CRACR2A: variants seen among roughly 807,000 people sequenced by gnomAD.
The protein encoded by CRACR2A is EF-hand calcium-binding domain-containing protein 4B.
In CRACR2A, 79 loss-of-function variants were observed where a neutral mutation model predicts 90.5. The ratio of observed to expected loss-of-function variants is 0.87; its 90% CI spans 0.73 to 1.05. The LOEUF (loss-of-function observed/expected upper bound fraction) is 1.05, where lower values mean the gene tolerates loss of function less well. Among genes scored for constraint, CRACR2A ranks in the 50% least tolerant of loss-of-function variants. The pLI, the probability that CRACR2A is intolerant of heterozygous loss-of-function variation, is 0.00. For synonymous variants in CRACR2A, 338 were observed against 356.7 expected, an observed-to-expected ratio of 0.95 and a Z score of 0.59; for missense variants, 823 against 897.2, an observed-to-expected ratio of 0.92 and a Z score of 1.06.
intron 12 of CRACR2A, among the ~76,000 whole-genome samples, chr12:3,642,521 A>C (rs2137385295): frequency 6.6e-6 from 1 of 152,302 alleles, no homozygotes; most frequent in Admixed American, 6.5e-5. Flanking sequence ...GGTCAGATAG[A>C]AAAAAGAAAA....
chr12:3,618,335 C>T (rs542058747), intron 18 of CRACR2A, among the ~76,000 whole-genome samples: 5 of 152,144 alleles, frequency 3.3e-5, no homozygotes, highest in African/African-American at 4.8e-5. Flanking sequence ...AAATATATTA[C>T]TATTTCTTCA....
chr12:3,720,460 A>AAGC (rs1565501233), intron 2 of CRACR2A, among the ~76,000 whole-genome samples: 3 of 147,638 alleles, frequency 2.0e-5, no homozygotes, highest in African/African-American at 8.0e-5. Flanking sequence ...AGAAAGAAAG[A>AAGC]AAGAAAGCAA....
chr12:3,750,822 T>C (rs964318355), intron 1 of CRACR2A, among the ~76,000 whole-genome samples: 1 of 152,158 alleles, frequency 6.6e-6, no homozygotes, highest in Admixed American at 6.5e-5. Flanking sequence ...CAGCAAACCA[T>C]TGCAACAAGG....
chr12:3,686,893 G>C (rs1388422596), intron 4 of CRACR2A, among the ~76,000 whole-genome samples: 2 of 152,132 alleles, frequency 1.3e-5, no homozygotes, highest in African/African-American at 2.4e-5. Context: ...CATTTCACAT[G>C]CCCGAGCAGA....
chr12:3,739,879 A>G (rs1357130818), intron 1 of CRACR2A, among the ~76,000 whole-genome samples: 6 of 151,500 alleles, frequency 4.0e-5, no homozygotes. Context: ...GGTTGCAGTG[A>G]GCCGAGATCA....
intron 11 of CRACR2A, among the ~76,000 whole-genome samples, chr12:3,646,240 G>A (rs1008806198): frequency 6.6e-5 from 10 of 152,220 alleles, no homozygotes; most frequent in African/African-American, 1.9e-4. Context: ...AATTTCATCC[G>A]TTAACACAAG....
intron 17 of CRACR2A, among the ~76,000 whole-genome samples, chr12:3,622,035 C>A (rs925525712): frequency 9.2e-5 from 14 of 152,178 alleles, no homozygotes; most frequent in Non-Finnish European, 4.4e-5. Flanking sequence ...TCCTCTCTGA[C>A]TTTGACCCCA....
At chr12:3,731,552 C>G (rs1387849835) in intron 2 of CRACR2A, 1 of 152,280 alleles carries the variant, frequency 6.6e-6, no homozygotes, top group Non-Finnish European at 1.5e-5. Context: ...CATGGAACAC[C>G]ATTCATATTC....
intron 3 of CRACR2A, among the ~76,000 whole-genome samples, chr12:3,700,780 T>C (rs1485627942): frequency 6.6e-6 from 1 of 152,232 alleles, no homozygotes; most frequent in Non-Finnish European, 1.5e-5. Context: ...TTTCAATAAC[T>C]TTCTCTCTCA....
At chr12:3,640,149 A>G (rs1327524929) in intron 13 of CRACR2A, among the ~76,000 whole-genome samples, 2 of 152,276 alleles carry the variant, frequency 1.3e-5, no homozygotes, top group African/African-American at 2.4e-5. Context: ...GCATCACGGC[A>G]TGACTGAGTT....
chr12:3,631,978 C>T (rs896203077), intron 15 of CRACR2A, among the ~76,000 whole-genome samples: 5 of 152,100 alleles, frequency 3.3e-5, no homozygotes, highest in Non-Finnish European at 2.9e-5. Context: ...GATTTGTATC[C>T]CCACCCAGAC....
At chr12:3,672,152 C>A (rs767846733) in intron 7 of CRACR2A, among the ~76,000 whole-genome samples, 1 of 152,140 alleles carries the variant, frequency 6.6e-6, no homozygotes, top group Non-Finnish European at 1.5e-5. Flanking sequence ...AGTCCTTTCT[C>A]CCCAGATCTG....
intron 7 of CRACR2A, among the ~76,000 whole-genome samples, chr12:3,661,182 G>A (rs1945027863): frequency 6.6e-6 from 1 of 152,288 alleles, no homozygotes; most frequent in East Asian, 1.9e-4. Context: ...CCTGTTGGGA[G>A]AGCATTTTCA....
At chr12:3,680,450 GC>G in intron 4 of CRACR2A, 101 bp from the exon 5 acceptor site, 2 of 932,304 alleles carry the variant, frequency 2.1e-6, no homozygotes, top group Non-Finnish European at 3.3e-6. Flanking sequence ...CTAGAGTTCG[GC>G]CCAGTCCTAC....
At chr12:3,627,108 A>G (rs56147103) in intron 17 of CRACR2A, among the ~76,000 whole-genome samples, 10,000 of 151,890 alleles carry the variant, frequency 0.066, 377 homozygotes, top group Middle Eastern at 0.13. Context: ...CTTCCTTGAC[A>G]CTCCACTGTG....
At chr12:3,677,401 CTCT>C (rs1465344817) in intron 6 of CRACR2A, among the ~76,000 whole-genome samples, 1 of 150,764 alleles carries the variant, frequency 6.6e-6, no homozygotes, top group Non-Finnish European at 1.5e-5. Flanking sequence ...ACAAAACCTC[CTCT>C]TCTTCGGGAC....
intron 1 of CRACR2A, among the ~76,000 whole-genome samples, chr12:3,741,289 C>G (rs577874016): frequency 1.2e-4 from 18 of 152,164 alleles, no homozygotes; most frequent in Non-Finnish European, 2.2e-4. Flanking sequence ...GGCCGGAGAG[C>G]TCTGGGCTAT....
chr12:3,626,374 A>G (rs192458321), intron 17 of CRACR2A, among the ~76,000 whole-genome samples: 73 of 152,374 alleles, frequency 4.8e-4, no homozygotes, highest in Admixed American at 1.0e-3. Context: ...CATCCAGGTT[A>G]TAGCAACGAA....
intron 7 of CRACR2A, among the ~76,000 whole-genome samples, chr12:3,670,675 C>CA (rs1230285198): frequency 6.6e-6 from 1 of 152,134 alleles, no homozygotes; most frequent in Non-Finnish European, 1.5e-5. Context: ...CCGATGTTGC[C>CA]AATAAGGAAA....
Sources: allele counts gnomAD v4.1 joint callset (sites outside exome capture counted in the v4.1 genomes callset), GRCh38; gene constraint gnomAD v4.1.1; transcripts MANE v1.5; gene names NCBI Gene and HGNC (gene_info 2026-07-23, HGNC 2026-07-21).